ITFG1: variants seen among roughly 807,000 people sequenced by gnomAD.
The protein encoded by ITFG1 is integrin alpha FG-GAP repeat containing 1.
Under a neutral mutation model 81.8 loss-of-function variants are expected in ITFG1, and 34 were observed. The ratio of observed to expected loss-of-function variants is 0.42; its 90% CI spans 0.32 to 0.55. ITFG1 has a LOEUF of 0.55. Ranked by LOEUF, ITFG1 falls within the 20% of genes least tolerant of loss-of-function variation. The pLI, the probability that ITFG1 is intolerant of heterozygous loss-of-function variation, is 0.17. For missense variants in ITFG1, 672 were observed against 755.4 expected (o/e 0.89, Z 1.29); for synonymous variants, 285 against 270.6 (o/e 1.05, Z -0.52).
At chr16:47,424,864 G>A (rs1450612612) in intron 6 of ITFG1, among the ~76,000 whole-genome samples, 2 of 152,266 alleles carry the variant, frequency 1.3e-5, no homozygotes, top group Non-Finnish European at 2.9e-5. Flanking sequence ...CTGCTGGGAG[G>A]TGTCTCCTAG....
At chr16:47,166,683 T>C (rs1286473575) in intron 14 of ITFG1, among the ~76,000 whole-genome samples, 3 of 152,130 alleles carry the variant, frequency 2.0e-5, no homozygotes, top group Non-Finnish European at 2.9e-5. Flanking sequence ...CCTGCCTATA[T>C]CTTATTTAAA....
intron 14 of ITFG1, among the ~76,000 whole-genome samples, chr16:47,171,567 G>C (rs575395723): frequency 2.0e-5 from 3 of 151,852 alleles, no homozygotes; most frequent in Admixed American, 6.6e-5. Flanking sequence ...CCATCCTCCT[G>C]CTGGCTTTGA....
intron 14 of ITFG1, among the ~76,000 whole-genome samples, chr16:47,211,534 T>C (rs1465980405): frequency 6.6e-6 from 1 of 152,196 alleles, no homozygotes; most frequent in Non-Finnish European, 1.5e-5. Context: ...TTTCTTGCCT[T>C]ATTCCAGTGA....
At chr16:47,335,981 C>T (rs1474112511) in intron 8 of ITFG1, among the ~76,000 whole-genome samples, 2 of 152,132 alleles carry the variant, frequency 1.3e-5, no homozygotes, top group Non-Finnish European at 2.9e-5. Context: ...CAACAGTTTA[C>T]AGATAAATAA....
chr16:47,406,969 T>G (rs938329475), intron 6 of ITFG1, among the ~76,000 whole-genome samples: 1 of 152,044 alleles, frequency 6.6e-6, no homozygotes, highest in Non-Finnish European at 1.5e-5. Context: ...TAAGAAACAA[T>G]AAGGAGGCTG....
intron 13 of ITFG1, among the ~76,000 whole-genome samples, chr16:47,222,298 G>A (rs1345406026): frequency 6.0e-5 from 9 of 151,088 alleles, no homozygotes; most frequent in East Asian, 1.9e-4. Context: ...CTTTGTTCTC[G>A]TTGGTTTCAA....
At chr16:47,187,287 A>C (rs1225158007) in intron 14 of ITFG1, among the ~76,000 whole-genome samples, 1 of 152,236 alleles carries the variant, frequency 6.6e-6, no homozygotes, top group African/African-American at 2.4e-5. Context: ...GAAACAAAAA[A>C]GAGCCCGCAT....
At chr16:47,393,150 G>A (rs915862434) in intron 6 of ITFG1, among the ~76,000 whole-genome samples, 2 of 152,154 alleles carry the variant, frequency 1.3e-5, no homozygotes, top group Non-Finnish European at 2.9e-5. Flanking sequence ...TGCCATTTTA[G>A]GGCAACTAGA....
chr16:47,261,009 G>A (rs1966203989), intron 10 of ITFG1, among the ~76,000 whole-genome samples: 1 of 152,050 alleles, frequency 6.6e-6, no homozygotes. Context: ...CCTGCACACT[G>A]TCATTATCTG....
At chr16:47,297,498 T>C (rs1967001108) in intron 10 of ITFG1, among the ~76,000 whole-genome samples, 2 of 152,192 alleles carry the variant, frequency 1.3e-5, no homozygotes, top group Admixed American at 6.5e-5. Context: ...TAGAATTCCT[T>C]TGAGTATTCC....
intron 14 of ITFG1, among the ~76,000 whole-genome samples, chr16:47,177,375 TATA>T (rs1249114901): frequency 2.0e-5 from 3 of 152,160 alleles, no homozygotes; most frequent in African/African-American, 7.2e-5. Context: ...TGAGACTCAT[TATA>T]AAGTGTATAG....
intron 5 of ITFG1, among the ~76,000 whole-genome samples, chr16:47,438,256 G>A (rs1403498186): frequency 1.3e-5 from 2 of 152,212 alleles, no homozygotes; most frequent in Non-Finnish European, 2.9e-5. Flanking sequence ...CTCCACCGCT[G>A]GGGGCAGGGC....
chr16:47,326,687 A>G (rs12933722), intron 8 of ITFG1, among the ~76,000 whole-genome samples: 3,362 of 152,318 alleles, frequency 0.022, 41 homozygotes, highest in Middle Eastern at 0.041. Flanking sequence ...AAAACAGACA[A>G]ACAGAGAGTC....
chr16:47,385,037 T>C (rs1327177344), intron 6 of ITFG1, among the ~76,000 whole-genome samples: 1 of 152,254 alleles, frequency 6.6e-6, no homozygotes, highest in East Asian at 1.9e-4. Context: ...GGTACTCTCT[T>C]GTTGGACGAA....
chr16:47,250,601 G>T (rs954357054), intron 12 of ITFG1, among the ~76,000 whole-genome samples: 7 of 152,034 alleles, frequency 4.6e-5, no homozygotes, highest in African/African-American at 1.7e-4. Context: ...AAAACATATT[G>T]GTTCCAGGTC....
intron 10 of ITFG1, among the ~76,000 whole-genome samples, chr16:47,271,445 TAA>T (rs1966338936): frequency 6.6e-6 from 1 of 152,040 alleles, no homozygotes; most frequent in African/African-American, 2.4e-5. Flanking sequence ...ATGGCTAAAA[TAA>T]AAAAGACAGG....
intron 12 of ITFG1, among the ~76,000 whole-genome samples, chr16:47,251,060 A>C (rs1242770905): frequency 1.3e-5 from 2 of 152,234 alleles, no homozygotes; most frequent in African/African-American, 4.8e-5. Context: ...CCCAAAACAC[A>C]AACTTTTTAG....
intron 17 of ITFG1, 45 bp from the exon 18 acceptor site, chr16:47,155,823 T>C: frequency 1.4e-6 from 2 of 1,392,280 alleles, no homozygotes; most frequent in Admixed American, 1.8e-5. Flanking sequence ...AGAAAGATGT[T>C]ATGAAAAGAC....
At chr16:47,173,779 G>A (rs941418383) in intron 14 of ITFG1, among the ~76,000 whole-genome samples, 4 of 152,126 alleles carry the variant, frequency 2.6e-5, no homozygotes, top group South Asian at 2.1e-4. Flanking sequence ...AGTGGCTCAC[G>A]CCTATAATCC....
Sources: gnomAD v4.1 joint callset for allele counts (sites outside exome capture counted in the v4.1 genomes callset) on GRCh38, gnomAD v4.1.1 for gene constraint, MANE v1.5 for transcripts, NCBI Gene and HGNC (gene_info 2026-07-23, HGNC 2026-07-21) for gene names.